Variants in PMS1 observed in about 807,000 individuals in gnomAD.
The protein encoded by PMS1 is PMS1 protein homolog 1.
Under a neutral mutation model 93.1 loss-of-function variants are expected in PMS1, and 79 were observed. The ratio of observed to expected loss-of-function variants is 0.85; its 90% CI spans 0.71 to 1.02. The LOEUF is 1.02. Among genes scored for constraint, PMS1 ranks in the 50% least tolerant of loss-of-function variants. PMS1 has a pLI of 0.00. For missense variants in PMS1, 1,064 were observed against 1,085.3 expected (o/e 0.98, Z 0.28); for synonymous variants, 335 against 363.4 (o/e 0.92, Z 0.89).
At chr2:189,800,372 T>C (rs753460465) in intron 3 of PMS1, among the ~76,000 whole-genome samples, 1 of 152,194 alleles carries the variant, frequency 6.6e-6, no homozygotes, top group African/African-American at 2.4e-5. Flanking sequence ...CTAAGTTCAA[T>C]AGATAAGTTG....
intron 9 of PMS1, among the ~76,000 whole-genome samples, chr2:189,855,346 TG>T (rs1346777136): frequency 1.2e-4 from 18 of 149,058 alleles, no homozygotes; most frequent in Admixed American, 6.6e-5. Context: ...GTTTTTTTTT[TG>T]TTTAAGCCTT....
intron 5 of PMS1, among the ~76,000 whole-genome samples, chr2:189,821,757 C>G (rs910171600): frequency 7.9e-5 from 12 of 151,860 alleles, no homozygotes; most frequent in African/African-American, 2.9e-4. Context: ...TGCAGTGAGC[C>G]GAGATCGCAC....
chr2:189,822,187 C>T (rs1317768820), intron 5 of PMS1, among the ~76,000 whole-genome samples: 1 of 152,236 alleles, frequency 6.6e-6, no homozygotes, highest in African/African-American at 2.4e-5. Context: ...GCGGGGCTGG[C>T]GCTGAAGTCG....
chr2:189,833,376 T>G (rs1344977447), intron 5 of PMS1, among the ~76,000 whole-genome samples: 1 of 151,856 alleles, frequency 6.6e-6, no homozygotes, highest in Non-Finnish European at 1.5e-5. Context: ...GATCATGAGG[T>G]CAAGAGACCA....
intron 4 of PMS1, among the ~76,000 whole-genome samples, chr2:189,814,864 A>G (rs935453845): frequency 2.0e-5 from 3 of 152,086 alleles, no homozygotes; most frequent in Non-Finnish European, 4.4e-5. Context: ...TTGGGAGGCC[A>G]AGGTGGGCAG....
At chr2:189,794,906 G>A (rs1003775188) in intron 2 of PMS1, among the ~76,000 whole-genome samples, 4 of 151,954 alleles carry the variant, frequency 2.6e-5, no homozygotes, top group Non-Finnish European at 5.9e-5. Context: ...ATACCAGCCT[G>A]GACAACAAAG....
At chr2:189,845,321 T>G in intron 6 of PMS1, among the ~76,000 whole-genome samples, 1 of 152,278 alleles carries the variant, frequency 6.6e-6, no homozygotes, top group East Asian at 1.9e-4. Flanking sequence ...GTATCTCTTA[T>G]GCCATGCAAA....
At chr2:189,825,570 T>C (rs1294526366) in intron 5 of PMS1, among the ~76,000 whole-genome samples, 1 of 152,224 alleles carries the variant, frequency 6.6e-6, no homozygotes, top group Non-Finnish European at 1.5e-5. Context: ...AAATAAGGGC[T>C]ACTCCTATAT....
intron 4 of PMS1, among the ~76,000 whole-genome samples, chr2:189,807,922 ACAG>A (rs1321896951): frequency 6.6e-6 from 1 of 152,096 alleles, no homozygotes; most frequent in Non-Finnish European, 1.5e-5. Flanking sequence ...GGTTAGGAAA[ACAG>A]CAGAAAGTTA....
At chr2:189,810,516 A>G (rs1243594679) in intron 4 of PMS1, among the ~76,000 whole-genome samples, 2 of 152,232 alleles carry the variant, frequency 1.3e-5, no homozygotes, top group Admixed American at 6.5e-5. Flanking sequence ...CTGAACTTTT[A>G]TAGCCACTTG....
chr2:189,821,736 G>A (rs2051906608), intron 5 of PMS1, among the ~76,000 whole-genome samples: 1 of 147,622 alleles, frequency 6.8e-6, no homozygotes, highest in Non-Finnish European at 1.5e-5. Flanking sequence ...TTGAACCTAG[G>A]AGGCAGAGGT....
At chr2:189,843,132 C>T (rs541855683) in intron 5 of PMS1, among the ~76,000 whole-genome samples, 1 of 152,178 alleles carries the variant, frequency 6.6e-6, no homozygotes, top group South Asian at 2.1e-4. Flanking sequence ...ATTCTCCTGC[C>T]TCAGCCTCCC....
chr2:189,873,708 G>A lies in PMS1; in HGVS notation c.2634+52G>A, dbSNP rs754034359. 9.4e-6 allele frequency: 13 copies of A among 1,381,672 alleles called. No homozygotes were observed. In the Admixed American group the frequency reaches 1.6e-4, roughly 17 times the overall value. The allele number at this position is 1,381,672 out of a possible 1,614,324, so 85.6% of individuals were successfully genotyped here. ...TTGTATACAGGGGTCCCAACTCCCG[G>A]GCCAAGCCGGTTAGGAACCAGGCCA... On this transcript the variant is annotated intron_variant, in intron 12 of 12. Transcript: ENST00000441310.
intron 2 of PMS1, among the ~76,000 whole-genome samples, chr2:189,793,942 G>A (rs1299640823): frequency 1.3e-5 from 2 of 151,952 alleles, no homozygotes; most frequent in Admixed American, 6.6e-5. Context: ...TTCTTATTAC[G>A]GGATTTCGAG....
At chr2:189,826,201 A>G (rs2052411853) in intron 5 of PMS1, among the ~76,000 whole-genome samples, 1 of 152,086 alleles carries the variant, frequency 6.6e-6, no homozygotes, top group Non-Finnish European at 1.5e-5. Context: ...ATTTGGACCA[A>G]TGTTAAGGGT....
intron 8 of PMS1, 74 bp downstream of exon 8, chr2:189,854,156 T>C: frequency 7.2e-7 from 1 of 1,380,386 alleles, no homozygotes; most frequent in Non-Finnish European, 9.9e-7. Context: ...AAAAGATTTG[T>C]TTATATTTAT....
intron 12 of PMS1, among the ~76,000 whole-genome samples, chr2:189,874,672 G>C (rs1158669631): frequency 4.6e-5 from 7 of 152,174 alleles, no homozygotes; most frequent in South Asian, 2.1e-4. Context: ...GCTGTATTCT[G>C]AAGGTCGGAC....
chr2:189,848,169 C>G (rs2054407384), intron 6 of PMS1, among the ~76,000 whole-genome samples: 1 of 152,170 alleles, frequency 6.6e-6, no homozygotes, highest in African/African-American at 2.4e-5. Flanking sequence ...CTTCGTGGTA[C>G]TTTGTTGCCT....
intron 5 of PMS1, among the ~76,000 whole-genome samples, chr2:189,840,315 T>C (rs2053719002): frequency 6.6e-6 from 1 of 152,184 alleles, no homozygotes; most frequent in Non-Finnish European, 1.5e-5. Flanking sequence ...CTGGATCGGT[T>C]ATAACTTAGT....
Sources: allele counts gnomAD v4.1 joint callset (sites outside exome capture counted in the v4.1 genomes callset), GRCh38; gene constraint gnomAD v4.1.1; transcripts MANE v1.5; gene names NCBI Gene and HGNC (gene_info 2026-07-23, HGNC 2026-07-21).